RSU1: variants seen among roughly 807,000 people sequenced by gnomAD.
The protein encoded by RSU1 is rsu-1.
Under a neutral mutation model 31.1 loss-of-function variants are expected in RSU1, and 26 were observed. That is an observed-to-expected ratio of 0.84 (90% CI 0.61 to 1.16). The LOEUF (loss-of-function observed/expected upper bound fraction) is 1.16, where lower values mean the gene tolerates loss of function less well. RSU1 is among the 50% of genes most tolerant of loss of function. RSU1 has a pLI of 0.00. For synonymous variants in RSU1, 164 were observed against 136.3 expected (o/e 1.20, Z -1.41); for missense variants, 320 against 339.1 (o/e 0.94, Z 0.44).
At chr10:16,722,817 T>C (rs1055443321) in intron 7 of RSU1, among the ~76,000 whole-genome samples, 1 of 149,428 alleles carries the variant, frequency 6.7e-6, no homozygotes, top group African/African-American at 2.4e-5. Context: ...TACACATATA[T>C]ACATGTATAC....
chr10:16,731,853 T>C (rs1455195391), intron 7 of RSU1, among the ~76,000 whole-genome samples: 1 of 152,154 alleles, frequency 6.6e-6, no homozygotes, highest in Admixed American at 6.5e-5. Context: ...CTTTCTGCCA[T>C]TTATCTCCAA....
intron 8 of RSU1, among the ~76,000 whole-genome samples, chr10:16,632,457 C>A (rs1271166329): frequency 1.3e-5 from 2 of 152,088 alleles, no homozygotes; most frequent in Admixed American, 6.5e-5. Context: ...CCCGAGAGAC[C>A]TTTTAAAAAA....
At chr10:16,644,748 GAAGT>G (rs762847925) in intron 8 of RSU1, among the ~76,000 whole-genome samples, 15 of 152,272 alleles carry the variant, frequency 9.9e-5, no homozygotes, top group African/African-American at 3.6e-4. Flanking sequence ...ATAGCAGGAG[GAAGT>G]AAGAGTGAAC....
chr10:16,638,226 C>T (rs191166479), intron 8 of RSU1, among the ~76,000 whole-genome samples: 1 of 152,168 alleles, frequency 6.6e-6, no homozygotes, highest in East Asian at 1.9e-4. Flanking sequence ...GCTCCCTGGA[C>T]ACTCATGATG....
At chr10:16,808,835 T>C (rs968542744) in intron 2 of RSU1, among the ~76,000 whole-genome samples, 1 of 152,144 alleles carries the variant, frequency 6.6e-6, no homozygotes, top group African/African-American at 2.4e-5. Flanking sequence ...GTGGACCCTA[T>C]CCCAATCTGA....
intron 8 of RSU1, among the ~76,000 whole-genome samples, chr10:16,657,990 A>C (rs1216369269): frequency 1.1e-5 from 1 of 89,324 alleles, no homozygotes; most frequent in African/African-American, 3.3e-5. Flanking sequence ...AATCTGTCTC[A>C]AAAAAAAATA....
chr10:16,623,039 C>T (rs1271982433), intron 8 of RSU1, among the ~76,000 whole-genome samples: 4 of 150,836 alleles, frequency 2.7e-5, no homozygotes, highest in Admixed American at 1.3e-4. Context: ...TTTTTTTTTC[C>T]CCCAACTTTC....
At chr10:16,603,566 A>G (rs1432029347) in intron 8 of RSU1, among the ~76,000 whole-genome samples, 1 of 152,236 alleles carries the variant, frequency 6.6e-6, no homozygotes, top group African/African-American at 2.4e-5. Context: ...GAATACAGGC[A>G]GAGAAAAATC....
At chr10:16,761,954 C>T (rs1837218732) in intron 4 of RSU1, among the ~76,000 whole-genome samples, 2 of 152,148 alleles carry the variant, frequency 1.3e-5, no homozygotes, top group Non-Finnish European at 2.9e-5. Flanking sequence ...GTCTCGGCTC[C>T]TGTGCTCCCT....
At chr10:16,678,277 C>T (rs1835268945) in intron 8 of RSU1, among the ~76,000 whole-genome samples, 1 of 152,158 alleles carries the variant, frequency 6.6e-6, no homozygotes, top group Admixed American at 6.5e-5. Flanking sequence ...CAAGGAAAAA[C>T]AGACTGCCAC....
At chr10:16,727,196 C>T (rs1836416427) in intron 7 of RSU1, 1 of 455,010 alleles carries the variant, frequency 2.2e-6, no homozygotes, top group Non-Finnish European at 4.4e-6. Context: ...AGTGGACTCA[C>T]CTGGGCGGAA....
chr10:16,782,135 T>TCCGG (rs754569233), intron 2 of RSU1, 51 bp from the exon 3 acceptor site: 49 of 1,458,888 alleles, frequency 3.4e-5, no homozygotes, highest in Non-Finnish European at 4.7e-5. Flanking sequence ...TATCACTGTA[T>TCCGG]CCGGATTCTA....
At chr10:16,750,388 C>T (rs1836952662) in intron 7 of RSU1, among the ~76,000 whole-genome samples, 1 of 151,138 alleles carries the variant, frequency 6.6e-6, no homozygotes, top group African/African-American at 2.4e-5. Context: ...TTAAAGCCTT[C>T]CCCCTCAATT....
intron 2 of RSU1, among the ~76,000 whole-genome samples, chr10:16,790,808 G>C (rs1023229171): frequency 6.6e-6 from 1 of 152,090 alleles, no homozygotes; most frequent in Non-Finnish European, 1.5e-5. Context: ...CTCCCTATTT[G>C]TTCTCTCTTT....
chr10:16,776,733 CA>C (rs1378819792), intron 3 of RSU1, among the ~76,000 whole-genome samples: 1 of 148,412 alleles, frequency 6.7e-6, no homozygotes, highest in Non-Finnish European at 1.5e-5. Context: ...TTGCACAGAG[CA>C]AAAAGATATC....
intron 7 of RSU1, among the ~76,000 whole-genome samples, chr10:16,699,869 AT>A (rs1835752392): frequency 6.6e-6 from 1 of 152,218 alleles, no homozygotes; most frequent in Non-Finnish European, 1.5e-5. Flanking sequence ...TTATTCTGCA[AT>A]TGCAAATTGG....
At chr10:16,593,918 T>A (rs1047123173) in intron 8 of RSU1, among the ~76,000 whole-genome samples, 8 of 152,194 alleles carry the variant, frequency 5.3e-5, no homozygotes, top group African/African-American at 1.7e-4. Flanking sequence ...AGAGCAATGG[T>A]GTCCAAATCT....
chr10:16,789,623 T>A (rs1446302289), intron 2 of RSU1, among the ~76,000 whole-genome samples: 1 of 152,168 alleles, frequency 6.6e-6, no homozygotes, highest in Non-Finnish European at 1.5e-5. Context: ...TATTTAAAAG[T>A]ACAAAAGCTG....
intron 8 of RSU1, among the ~76,000 whole-genome samples, chr10:16,673,041 G>C (rs892985876): frequency 1.3e-5 from 2 of 152,054 alleles, no homozygotes; most frequent in Non-Finnish European, 1.5e-5. Flanking sequence ...AACCTAGCAT[G>C]TCTCCTAGGG....
Sources: gnomAD v4.1 joint callset for allele counts (sites outside exome capture counted in the v4.1 genomes callset) on GRCh38, gnomAD v4.1.1 for gene constraint, MANE v1.5 for transcripts, NCBI Gene and HGNC (gene_info 2026-07-23, HGNC 2026-07-21) for gene names.